RNF128: variants seen among roughly 807,000 people sequenced by gnomAD.
RNF128 encodes the protein ring finger protein 128.
A neutral mutation model predicts 26.2 loss-of-function variants in RNF128; 13 were observed. The ratio of observed to expected loss-of-function variants is 0.50; its 90% confidence interval spans 0.32 to 0.79. The LOEUF is 0.79. Ranked by LOEUF, RNF128 falls within the 30% of genes least tolerant of loss-of-function variation. The probability of loss-of-function intolerance (pLI) is 0.03; values close to 1 mark genes in which losing one functional copy is unlikely to be tolerated. For missense variants in RNF128, 315 were observed against 349.7 expected, an observed-to-expected ratio of 0.90 and a Z score of 0.79; for synonymous variants, 149 against 142.5, an observed-to-expected ratio of 1.05 and a Z score of -0.32.
intron 1 of RNF128, among the ~76,000 whole-genome samples, chrX:106,717,929 G>A (rs750148941): frequency 2.7e-5 from 3 of 111,834 alleles, no homozygotes; most frequent in South Asian, 7.6e-4. Context: ...GACAATAGCA[G>A]GCAGTATAAA....
At chrX:106,775,973 T>C (rs1930458294) in intron 2 of RNF128, among the ~76,000 whole-genome samples, 1 of 112,382 alleles carries the variant, frequency 8.9e-6, no homozygotes, top group Non-Finnish European at 1.9e-5. Context: ...CCTCATATGT[T>C]GTAGTGTGAT....
At chrX:106,719,313 T>G (rs1423249761) in intron 1 of RNF128, among the ~76,000 whole-genome samples, 1 of 110,185 alleles carries the variant, frequency 9.1e-6, no homozygotes, top group Admixed American at 9.6e-5. Context: ...TCCCCCACCC[T>G]GGGTTCAAGT....
At chrX:106,763,568 A>G (rs1312776410) in intron 1 of RNF128, among the ~76,000 whole-genome samples, 4 of 112,704 alleles carry the variant, frequency 3.5e-5, no homozygotes, top group Non-Finnish European at 5.6e-5. Context: ...GTGCACTGGC[A>G]CGATCTTGGC....
intron 1 of RNF128, among the ~76,000 whole-genome samples, chrX:106,696,930 C>T (rs748792220): frequency 8.9e-6 from 1 of 111,918 alleles, no homozygotes; most frequent in South Asian, 3.8e-4. Context: ...TTTGGGCTTG[C>T]TTATGTGTTT....
At chrX:106,769,817 G>A (rs1014282873) in intron 1 of RNF128, among the ~76,000 whole-genome samples, 4 of 110,691 alleles carry the variant, frequency 3.6e-5, no homozygotes, top group Admixed American at 9.7e-5. Flanking sequence ...TATTTTGCTC[G>A]TTAGTTGATG....
At chrX:106,743,055 A>G (rs899347205) in intron 1 of RNF128, among the ~76,000 whole-genome samples, 1 of 111,233 alleles carries the variant, frequency 9.0e-6, no homozygotes, top group African/African-American at 3.3e-5. Flanking sequence ...TGTATGACTG[A>G]GTCATGAGAT....
intron 1 of RNF128, among the ~76,000 whole-genome samples, chrX:106,744,224 A>G (rs1254233236): frequency 1.8e-5 from 2 of 111,451 alleles, no homozygotes; most frequent in African/African-American, 6.5e-5. Flanking sequence ...CGTTGTGCAC[A>G]TGTACCCTAG....
Position 106,694,521 on chromosome X carries a change from A to G in RNF128, c.406+113A>G, listed in dbSNP as rs1286616366. 3 of 491,669 alleles carry G rather than the reference A, an allele frequency of 6.1e-6. No individual in the cohort carries two copies. The African/African-American group carries it at 7.6e-5, about 12-fold the overall frequency. The allele number at this position is 491,669 out of a possible 1,213,427, so 40.5% of individuals were successfully genotyped here. A position where few individuals can be genotyped will look rare whatever the true frequency, so the allele number is the denominator to read the frequency against. On this transcript the variant is annotated intron_variant, in intron 1 of 6. Transcript: ENST00000324342. ...CAAGGTTGTAAAATAATTTTACTTT[A>G]AATTTTCTTGCCTGGCACAACTTGT...
At chrX:106,750,566 A>G (rs1929866190) in intron 1 of RNF128, among the ~76,000 whole-genome samples, 1 of 111,716 alleles carries the variant, frequency 9.0e-6, no homozygotes, top group Non-Finnish European at 1.9e-5. Flanking sequence ...GTGCATAGCC[A>G]GGATTCAGGA....
At chrX:106,725,836 G>A (rs1426666900), upstream of RNF128, among the ~76,000 whole-genome samples, 1 of 112,774 alleles carries the variant, frequency 8.9e-6, no homozygotes, top group East Asian at 2.8e-4. Context: ...TTAATTCAAG[G>A]CTCATTTGTT....
exon 1 of RNF128, chrX:106,694,107 T>C (rs929999166): frequency 1.7e-6 from 2 of 1,210,183 alleles, no homozygotes; most frequent in Middle Eastern, 4.6e-4. Flanking sequence ...TGACTGTGAC[T>C]TATTACAATG....
At chrX:106,721,605 CTCCTGGCCCATATATA>C (rs1035422156) in intron 1 of RNF128, among the ~76,000 whole-genome samples, 14 of 111,770 alleles carry the variant, frequency 1.3e-4, no homozygotes, top group Non-Finnish European at 2.3e-4. Context: ...TTCAAAAAGG[CTCCTGGCCCATATATA>C]TCCTGGCCCA....
chrX:106,760,684 T>G, intron 1 of RNF128, among the ~76,000 whole-genome samples: 1 of 111,834 alleles, frequency 8.9e-6, no homozygotes, highest in Non-Finnish European at 1.9e-5. Flanking sequence ...AAGAGATATC[T>G]GCCCTCCCAT....
chrX:106,788,058 T>C (rs1037132677), intron 4 of RNF128, 58 bp downstream of exon 4: 3 of 663,494 alleles, frequency 4.5e-6, no homozygotes, highest in Middle Eastern at 3.9e-4. Context: ...AAAATGACTG[T>C]GATGGAAGAA....
chrX:106,772,767 A>G (rs1930396159), intron 1 of RNF128, 146 bp from the exon 2 acceptor site: 3 of 568,200 alleles, frequency 5.3e-6, no homozygotes, highest in South Asian at 3.6e-5. Context: ...ACTTTCATAT[A>G]GATAGTAGGT....
At chrX:106,781,282 A>G (rs1930560499) in intron 2 of RNF128, among the ~76,000 whole-genome samples, 1 of 112,026 alleles carries the variant, frequency 8.9e-6, no homozygotes. Context: ...GTAGCAAGGC[A>G]TTGGAAAAGT....
At chrX:106,761,514 TCATGG>T (rs952978145) in intron 1 of RNF128, among the ~76,000 whole-genome samples, 3 of 111,281 alleles carry the variant, frequency 2.7e-5, no homozygotes, top group Non-Finnish European at 5.7e-5. Flanking sequence ...AATAGCAAAG[TCATGG>T]AATCCACCTA....
At chrX:106,766,283 A>T (rs371959836) in intron 1 of RNF128, among the ~76,000 whole-genome samples, 9 of 112,033 alleles carry the variant, frequency 8.0e-5, no homozygotes, top group African/African-American at 2.9e-4. Context: ...TCCTTGAGGA[A>T]TCGCCACACT....
chrX:106,785,969 A>ACTTG (rs1165502469), intron 3 of RNF128, among the ~76,000 whole-genome samples: 1 of 111,868 alleles, frequency 8.9e-6, no homozygotes, highest in Non-Finnish European at 1.9e-5. Context: ...GGGTCAGAAG[A>ACTTG]CTTGCTGTTG....
Sources: allele counts gnomAD v4.1 joint callset (sites outside exome capture counted in the v4.1 genomes callset), GRCh38; gene constraint gnomAD v4.1.1; transcripts MANE v1.5; gene names NCBI Gene and HGNC (gene_info 2026-07-23, HGNC 2026-07-21).